Variants in ANXA13 observed in about 807,000 individuals in gnomAD.
ANXA13 encodes the protein annexin A13.
In ANXA13, 36 loss-of-function variants were observed where a neutral mutation model predicts 46.6. The ratio of observed to expected loss-of-function variants is 0.77; its 90% CI spans 0.59 to 1.02. The LOEUF (loss-of-function observed/expected upper bound fraction) is 1.02, where lower values mean the gene tolerates loss of function less well. Ranked by LOEUF, ANXA13 falls within the 50% of genes least tolerant of loss-of-function variation. The pLI, the probability that ANXA13 is intolerant of heterozygous loss-of-function variation, is 0.00. For missense variants in ANXA13, 417 were observed against 396.5 expected (o/e 1.05, Z -0.44); for synonymous variants, 163 against 152.9 (o/e 1.07, Z -0.49).
chr8:123,688,999 T>C, intron 8 of ANXA13, 53 bp from the exon 9 acceptor site: 1 of 1,566,280 alleles, frequency 6.4e-7, no homozygotes, highest in Non-Finnish European at 8.8e-7. Flanking sequence ...TTGACCTTAG[T>C]ACTCTTGGGG....
At chr8:123,722,191 C>T (rs1033138102) in intron 1 of ANXA13, among the ~76,000 whole-genome samples, 1 of 151,812 alleles carries the variant, frequency 6.6e-6, no homozygotes, top group African/African-American at 2.4e-5. Context: ...CCAGTAGTCC[C>T]AGCTACTTGG....
chr8:123,688,731 C>T, intron 9 of ANXA13, 140 bp downstream of exon 9: 4 of 702,766 alleles, frequency 5.7e-6, no homozygotes, highest in Non-Finnish European at 1.0e-5. Flanking sequence ...ATCACAGTCA[C>T]TCTCTCTCTT....
At chr8:123,700,694 A>G (rs974034650) in intron 3 of ANXA13, among the ~76,000 whole-genome samples, 15 of 151,916 alleles carry the variant, frequency 9.9e-5, no homozygotes, top group African/African-American at 3.4e-4. Flanking sequence ...ATTGTATCCG[A>G]TTTTTCTTTC....
intron 9 of ANXA13, 140 bp downstream of exon 9, chr8:123,688,727 GTCAC>G: frequency 1.5e-6 from 1 of 688,780 alleles, no homozygotes. Flanking sequence ...CTACATCACA[GTCAC>G]TCTCTCTCTT....
At chr8:123,702,426 T>G (rs147486447) in intron 3 of ANXA13, among the ~76,000 whole-genome samples, 193 of 152,310 alleles carry the variant, frequency 1.3e-3, no homozygotes, top group African/African-American at 4.4e-3. Flanking sequence ...ATTTAAGAAA[T>G]GAGTTTAAGA....
At position 123,701,325 on chromosome 8, in the gene ANXA13, C is replaced by T. The variant is rs1813443344; in HGVS notation, c.186+1317G>A. On this transcript the variant is annotated intron_variant, in intron 3 of 10. Transcript: ENST00000419625. Reference sequence around the variant, plus strand: ...ATTTTACTAAAAACACAAAAATTAGCTGGGCATGGTGGCGCGTGCCTGTAA... The same window carrying T: ...ATTTTACTAAAAACACAAAAATTAGTTGGGCATGGTGGCGCGTGCCTGTAA... Among the ~76,000 whole-genome samples the T allele has an allele frequency of 2.0e-5, 3 of 152,090 alleles. 1 individual carries two copies. The South Asian group carries it at 6.2e-4, about 32-fold the overall frequency.
chr8:123,726,201 G>A (rs1376433662), intron 1 of ANXA13, among the ~76,000 whole-genome samples: 1 of 152,214 alleles, frequency 6.6e-6, no homozygotes, highest in African/African-American at 2.4e-5. Flanking sequence ...TTGCTTCCAT[G>A]TTGGCATTTC....
At chr8:123,707,680 C>T (rs1040662947) in intron 2 of ANXA13, among the ~76,000 whole-genome samples, 6 of 152,172 alleles carry the variant, frequency 3.9e-5, no homozygotes, top group African/African-American at 1.2e-4. Flanking sequence ...GAACATCATA[C>T]ACCAGGGCCT....
chr8:123,689,033 A>G (rs1813188124), intron 8 of ANXA13, 87 bp from the exon 9 acceptor site: 1 of 1,308,862 alleles, frequency 7.6e-7, no homozygotes, highest in South Asian at 1.2e-5. Flanking sequence ...AAAAGCACTC[A>G]AGTTTTCCAG....
At chr8:123,713,020 G>A (rs1345388113) in intron 1 of ANXA13, among the ~76,000 whole-genome samples, 3 of 152,216 alleles carry the variant, frequency 2.0e-5, no homozygotes, top group African/African-American at 4.8e-5. Context: ...GCTCTGCAAT[G>A]AGAGATTTTC....
chr8:123,723,805 A>C (rs1421556535), intron 1 of ANXA13, among the ~76,000 whole-genome samples: 3 of 152,190 alleles, frequency 2.0e-5, no homozygotes, highest in Non-Finnish European at 4.4e-5. Context: ...CCTAGACTGT[A>C]AGACTTTTGG....
At chr8:123,686,821 C>T (rs779283197) in intron 9 of ANXA13, among the ~76,000 whole-genome samples, 6 of 152,158 alleles carry the variant, frequency 3.9e-5, no homozygotes, top group African/African-American at 1.2e-4. Context: ...AAACTGGCAT[C>T]GCTGTAAGTT....
At chr8:123,718,625 G>A (rs1299418271) in intron 1 of ANXA13, among the ~76,000 whole-genome samples, 1 of 152,290 alleles carries the variant, frequency 6.6e-6, no homozygotes. Flanking sequence ...GTGCTGGGGG[G>A]ACTTCCACTT....
At chr8:123,696,273 GT>G (rs545165440) in intron 4 of ANXA13, among the ~76,000 whole-genome samples, 289 of 152,258 alleles carry the variant, frequency 1.9e-3, no homozygotes, top group African/African-American at 6.7e-3. Flanking sequence ...GTCACCTAGA[GT>G]TTTTTAAAGG....
At chr8:123,730,217 G>T (rs1814088423) in intron 1 of ANXA13, among the ~76,000 whole-genome samples, 1 of 152,130 alleles carries the variant, frequency 6.6e-6, no homozygotes, top group South Asian at 2.1e-4. Context: ...CTAGCTTCCA[G>T]CATGGTCTAG....
rs144921014 is a variant in ANXA13 at position 123,731,337 on chromosome 8, T to C, written c.15+5983A>G. On this transcript the variant is annotated intron_variant, in intron 1 of 10. Transcript: ENST00000419625. ...TAAAAATATACAGACGCCAGGGCCT[T>C]GCGCATGAATTGGTCTGGGAATGTA... is the stretch of plus-strand genomic sequence containing the variant. Among the ~76,000 whole-genome samples, 1,148 of 152,330 alleles carry C rather than the reference T, an allele frequency of 7.5e-3. 16 individuals carry two copies. The highest frequency in any genetic ancestry group is 0.025 in the African/African-American group (1,059 of 41,566).
intron 1 of ANXA13, among the ~76,000 whole-genome samples, chr8:123,714,591 C>T (rs1433833626): frequency 6.6e-6 from 1 of 152,186 alleles, no homozygotes; most frequent in Admixed American, 6.5e-5. Flanking sequence ...TCCTTGCGAT[C>T]CAAAGTGTCC....
chr8:123,736,867 G>GGA (rs1814279017), intron 1 of ANXA13, among the ~76,000 whole-genome samples: 1 of 51,794 alleles, frequency 1.9e-5, no homozygotes, highest in African/African-American at 4.6e-5. Flanking sequence ...TTTTTTTTTG[G>GGA]GACGGAGTTT....
intron 4 of ANXA13, among the ~76,000 whole-genome samples, chr8:123,696,883 C>T (rs887136730): frequency 1.3e-5 from 2 of 152,162 alleles, no homozygotes; most frequent in African/African-American, 4.8e-5. Context: ...GGAGAAAAAG[C>T]TATGATCACA....
Sources: allele counts gnomAD v4.1 joint callset (sites outside exome capture counted in the v4.1 genomes callset), GRCh38; gene constraint gnomAD v4.1.1; transcripts MANE v1.5; gene names NCBI Gene and HGNC (gene_info 2026-07-23, HGNC 2026-07-21).